Variants in MAPKAP1 observed in about 807,000 individuals in gnomAD.
MAPKAP1 encodes target of rapamycin complex 2 subunit MAPKAP1.
A neutral mutation model predicts 65.7 loss-of-function variants in MAPKAP1; 20 were observed. The observed-to-expected ratio is 0.30, with a 90% confidence interval of 0.21 to 0.44. The LOEUF (loss-of-function observed/expected upper bound fraction) is 0.44. MAPKAP1 is among the 20% of genes least tolerant of loss of function. MAPKAP1 has a pLI of 1.00. For missense variants in MAPKAP1, 423 were observed against 648.0 expected (o/e 0.65, Z 3.77); for synonymous variants, 222 against 244.3 (o/e 0.91, Z 0.85).
intron 5 of MAPKAP1, chr9:125,565,793 G>T: frequency 2.6e-6 from 1 of 390,064 alleles, no homozygotes; most frequent in Non-Finnish European, 5.0e-6. Flanking sequence ...TTACAGAGAT[G>T]TTGTAAGGAA....
chr9:125,627,574 A>G (rs1402528060), intron 4 of MAPKAP1, among the ~76,000 whole-genome samples: 1 of 152,126 alleles, frequency 6.6e-6, no homozygotes, highest in Non-Finnish European at 1.5e-5. Flanking sequence ...AGGCCCTGCC[A>G]GCACACTTCA....
At chr9:125,461,209 G>A (rs1204509808) in intron 10 of MAPKAP1, among the ~76,000 whole-genome samples, 1 of 152,174 alleles carries the variant, frequency 6.6e-6, no homozygotes, top group East Asian at 1.9e-4. Flanking sequence ...GTCTGCTTAC[G>A]GTTTTTCTCC....
chr9:125,521,045 G>T (rs994569839), intron 7 of MAPKAP1, among the ~76,000 whole-genome samples: 1 of 152,176 alleles, frequency 6.6e-6, no homozygotes, highest in Non-Finnish European at 1.5e-5. Context: ...AGGCCTAAGT[G>T]GAGCCCACTC....
chr9:125,593,949 T>G (rs1274807770), intron 4 of MAPKAP1, among the ~76,000 whole-genome samples: 1 of 152,180 alleles, frequency 6.6e-6, no homozygotes, highest in Non-Finnish European at 1.5e-5. Context: ...TTCACTGGCA[T>G]GTCTGTCATT....
rs148737474 is a variant in MAPKAP1 at position 125,669,214 on chromosome 9, C to A, written c.349+604G>T. The stretch of plus-strand genomic sequence containing the variant: ...AAAAAAAATCGGCTGGGCACAGTGG[C>A]TCATGCCTGTAATCCCAGCACCTCA... On this transcript the variant is annotated intron_variant, in intron 3 of 11. Coordinates refer to ENST00000265960, the MANE Select transcript of MAPKAP1 (RefSeq NM_001006617.3). Among the ~76,000 whole-genome samples the A allele has an allele frequency of 4.1e-3, 614 of 150,504 alleles. 6 individuals carry two copies. Among genetic ancestry groups the A allele is most frequent in the African/African-American group, 0.014 (579 of 41,060 alleles).
At chr9:125,565,026 AAT>A (rs998784035) in intron 5 of MAPKAP1, among the ~76,000 whole-genome samples, 3 of 152,182 alleles carry the variant, frequency 2.0e-5, no homozygotes, top group African/African-American at 7.2e-5. Flanking sequence ...TTGAACAACG[AAT>A]GGATGCAAAA....
intron 4 of MAPKAP1, among the ~76,000 whole-genome samples, chr9:125,603,844 T>C (rs1832373663): frequency 1.3e-5 from 2 of 152,006 alleles, no homozygotes; most frequent in African/African-American, 4.8e-5. Context: ...CAGACTCTGA[T>C]AACCTGCCCC....
intron 5 of MAPKAP1, among the ~76,000 whole-genome samples, chr9:125,578,294 G>C (rs969849096): frequency 3.3e-5 from 5 of 151,868 alleles, no homozygotes; most frequent in Non-Finnish European, 1.5e-5. Flanking sequence ...CAAACACTGC[G>C]GAAGGCCGCA....
At chr9:125,501,488 C>G (rs886245238) in intron 8 of MAPKAP1, among the ~76,000 whole-genome samples, 1 of 152,114 alleles carries the variant, frequency 6.6e-6, no homozygotes, top group Non-Finnish European at 1.5e-5. Context: ...CTTGTATGGT[C>G]TTTACTGAGT....
At chr9:125,444,743 C>T in intron 10 of MAPKAP1, 145 bp from the exon 11 acceptor site, 1 of 565,380 alleles carries the variant, frequency 1.8e-6, no homozygotes. Flanking sequence ...AGTTCGTTTT[C>T]TCATTACAGG....
chr9:125,465,830 T>C (rs1415255615), intron 10 of MAPKAP1, among the ~76,000 whole-genome samples: 2 of 152,154 alleles, frequency 1.3e-5, no homozygotes, highest in Admixed American at 6.5e-5. Context: ...AGCCTGACAC[T>C]GGAGCTGGGT....
chr9:125,632,729 G>A (rs1475834712), intron 4 of MAPKAP1, among the ~76,000 whole-genome samples: 2 of 152,192 alleles, frequency 1.3e-5, no homozygotes, highest in Non-Finnish European at 2.9e-5. Flanking sequence ...GTCCCTGACA[G>A]CAATGAACAC....
chr9:125,484,417 A>G, intron 9 of MAPKAP1, 26 bp downstream of exon 9: 1 of 1,586,092 alleles, frequency 6.3e-7, no homozygotes, highest in Non-Finnish European at 8.6e-7. Context: ...ACGACAAGCT[A>G]GCTCATCACC....
At chr9:125,580,450 A>G (rs829177) in intron 5 of MAPKAP1, among the ~76,000 whole-genome samples, 74,575 of 133,686 alleles carry the variant, frequency 0.56, 19,013 homozygotes, top group East Asian at 0.69. Flanking sequence ...AAATCCAAAC[A>G]CCGCAAGTTC....
chr9:125,466,960 G>A (rs920318640), intron 10 of MAPKAP1, among the ~76,000 whole-genome samples: 30 of 152,150 alleles, frequency 2.0e-4, no homozygotes, highest in Admixed American at 1.6e-3. Flanking sequence ...ACAAACACTC[G>A]CTGGCCTTTA....
At chr9:125,519,891 T>C (rs1021649951) in intron 7 of MAPKAP1, among the ~76,000 whole-genome samples, 14 of 152,048 alleles carry the variant, frequency 9.2e-5, no homozygotes, top group African/African-American at 3.4e-4. Context: ...GGCTTTGAGA[T>C]AAGTGGTGGT....
At chr9:125,659,186 T>A (rs560672762) in intron 3 of MAPKAP1, among the ~76,000 whole-genome samples, 1 of 152,198 alleles carries the variant, frequency 6.6e-6, no homozygotes, top group Non-Finnish European at 1.5e-5. Flanking sequence ...AAAGAAATGA[T>A]CCTTTATTAA....
chr9:125,544,829 T>C (rs566002228), intron 6 of MAPKAP1, among the ~76,000 whole-genome samples: 2 of 152,286 alleles, frequency 1.3e-5, no homozygotes, highest in Admixed American at 6.5e-5. Context: ...TTCCCAATGG[T>C]AGGACAGGCT....
At chr9:125,565,908 G>A (rs2087283313) in intron 5 of MAPKAP1, among the ~76,000 whole-genome samples, 1 of 152,118 alleles carries the variant, frequency 6.6e-6, no homozygotes, top group South Asian at 2.1e-4. Flanking sequence ...CTAGCAATTG[G>A]GAAATGTTGA....
Sources: gnomAD v4.1 joint callset for allele counts (sites outside exome capture counted in the v4.1 genomes callset) on GRCh38, gnomAD v4.1.1 for gene constraint, MANE v1.5 for transcripts, NCBI Gene and HGNC (gene_info 2026-07-23, HGNC 2026-07-21) for gene names.